The following CHST11 variants were observed in gnomAD, a reference collection of about 807,000 sequenced individuals.
The protein encoded by CHST11 is C4S-1.
A neutral mutation model predicts 30.4 loss-of-function variants in CHST11; 9 were observed. The observed-to-expected ratio is 0.30, with a 90% CI of 0.18 to 0.52. The LOEUF is 0.52. Ranked by LOEUF, CHST11 falls within the 20% of genes least tolerant of loss-of-function variation. CHST11 has a pLI of 0.97. For missense variants in CHST11, 348 were observed against 460.6 expected (o/e 0.76, Z 2.24); for synonymous variants, 152 against 187.8 (o/e 0.81, Z 1.56).
intron 1 of CHST11, among the ~76,000 whole-genome samples, chr12:104,486,522 G>A (rs1260568313): frequency 1.3e-5 from 2 of 152,192 alleles, no homozygotes; most frequent in Non-Finnish European, 2.9e-5. Context: ...GGGCTTCACA[G>A]CCCATGCATG....
intron 2 of CHST11, among the ~76,000 whole-genome samples, chr12:104,634,266 GTT>G (rs2039301222): frequency 6.6e-6 from 1 of 152,166 alleles, no homozygotes; most frequent in African/African-American, 2.4e-5. Flanking sequence ...CACTCAGTAG[GTT>G]CCTGGGGAAT....
chr12:104,494,637 G>A (rs914032884), intron 1 of CHST11, among the ~76,000 whole-genome samples: 7 of 152,272 alleles, frequency 4.6e-5, no homozygotes, highest in Admixed American at 6.5e-5. Flanking sequence ...GAACAATGTC[G>A]TAGGCGTATT....
At chr12:104,656,355 C>A (rs1282275062) in intron 2 of CHST11, among the ~76,000 whole-genome samples, 2 of 152,200 alleles carry the variant, frequency 1.3e-5, no homozygotes, top group Non-Finnish European at 2.9e-5. Flanking sequence ...AGTGATGCAT[C>A]AGGCTCCCTA....
chr12:104,658,204 G>A (rs990931428), intron 2 of CHST11, among the ~76,000 whole-genome samples: 3 of 152,360 alleles, frequency 2.0e-5, no homozygotes, highest in Admixed American at 6.5e-5. Flanking sequence ...ACCAGAGGCC[G>A]AGGGACTTAA....
At chr12:104,621,698 G>T (rs1389799137) in intron 2 of CHST11, among the ~76,000 whole-genome samples, 1 of 152,246 alleles carries the variant, frequency 6.6e-6, no homozygotes, top group Non-Finnish European at 1.5e-5. Context: ...GCACAGAACA[G>T]ATTTTCCCTT....
At chr12:104,473,115 C>G (rs4964803) in intron 1 of CHST11, among the ~76,000 whole-genome samples, 3,778 of 152,168 alleles carry the variant, frequency 0.025, 120 homozygotes, top group East Asian at 0.16. Flanking sequence ...AATTTAAACT[C>G]TCTTGTTTCA....
intron 1 of CHST11, among the ~76,000 whole-genome samples, chr12:104,541,782 G>C (rs1405504127): frequency 6.6e-6 from 1 of 152,214 alleles, no homozygotes; most frequent in Non-Finnish European, 1.5e-5. Flanking sequence ...ATGGTTATTA[G>C]TTAGGCACGG....
chr12:104,585,329 C>G (rs2038793066), intron 1 of CHST11, among the ~76,000 whole-genome samples: 2 of 152,300 alleles, frequency 1.3e-5, no homozygotes, highest in East Asian at 3.9e-4. Flanking sequence ...GCAACAGCTC[C>G]TCTCTGATTT....
intron 2 of CHST11, among the ~76,000 whole-genome samples, chr12:104,645,295 A>G (rs1425492584): frequency 1.3e-5 from 2 of 151,906 alleles, no homozygotes; most frequent in Admixed American, 6.6e-5. Context: ...GAGGGCACCC[A>G]CTCTGAGCCA....
At chr12:104,712,996 G>A (rs747811357) in intron 2 of CHST11, among the ~76,000 whole-genome samples, 10 of 151,838 alleles carry the variant, frequency 6.6e-5, no homozygotes, top group Non-Finnish European at 1.2e-4. Flanking sequence ...GGACCCCCGA[G>A]ATAAATAAGA....
chr12:104,529,710 G>C (rs890901309), intron 1 of CHST11, among the ~76,000 whole-genome samples: 1 of 152,020 alleles, frequency 6.6e-6, no homozygotes, highest in Non-Finnish European at 1.5e-5. Flanking sequence ...AGGGAAAAGG[G>C]GATATGGAAG....
chr12:104,731,645 G>T (rs2040259590), intron 2 of CHST11, among the ~76,000 whole-genome samples: 1 of 152,220 alleles, frequency 6.6e-6, no homozygotes, highest in Non-Finnish European at 1.5e-5. Flanking sequence ...GCCTCTGCGG[G>T]CCTCAGCGTT....
intron 1 of CHST11, among the ~76,000 whole-genome samples, chr12:104,534,127 C>T (rs998945626): frequency 3.3e-5 from 5 of 152,090 alleles, no homozygotes; most frequent in African/African-American, 1.2e-4. Context: ...TTTCCTTCAA[C>T]ATTGTCAGTG....
At chr12:104,742,340 G>A (rs891676812) in intron 2 of CHST11, among the ~76,000 whole-genome samples, 2 of 152,126 alleles carry the variant, frequency 1.3e-5, no homozygotes, top group Non-Finnish European at 2.9e-5. Flanking sequence ...CCTCTGGGAG[G>A]CCCATCGTGG....
chr12:104,518,973 T>C (rs1386015179), intron 1 of CHST11, among the ~76,000 whole-genome samples: 1 of 98,430 alleles, frequency 1.0e-5, no homozygotes, highest in Non-Finnish European at 1.9e-5. Flanking sequence ...TTTTTTTCTT[T>C]CTTTTTTTTT....
intron 1 of CHST11, among the ~76,000 whole-genome samples, chr12:104,506,806 A>G (rs1882496): frequency 0.61 from 93,383 of 152,036 alleles, 29,115 homozygotes; most frequent in African/African-American, 0.72. Flanking sequence ...TTGCCAAGCC[A>G]TCATTCGTTA....
chr12:104,469,969 T>C (rs1179391852), intron 1 of CHST11, among the ~76,000 whole-genome samples: 1 of 152,250 alleles, frequency 6.6e-6, no homozygotes, highest in Admixed American at 6.5e-5. Flanking sequence ...CACCTAATCA[T>C]TGATTTAGAC....
At chr12:104,739,840 A>G (rs1229577319) in intron 2 of CHST11, among the ~76,000 whole-genome samples, 1 of 152,166 alleles carries the variant, frequency 6.6e-6, no homozygotes, top group Non-Finnish European at 1.5e-5. Context: ...ACCCCAGATC[A>G]TGGGGCTGGT....
At chr12:104,524,392 C>A (rs2038103834) in intron 1 of CHST11, among the ~76,000 whole-genome samples, 1 of 152,266 alleles carries the variant, frequency 6.6e-6, no homozygotes, top group East Asian at 1.9e-4. Context: ...GCAGCTAGTT[C>A]ATTCATTTGT....
Sources: allele counts gnomAD v4.1 joint callset (sites outside exome capture counted in the v4.1 genomes callset), GRCh38; gene constraint gnomAD v4.1.1; transcripts MANE v1.5; gene names NCBI Gene and HGNC (gene_info 2026-07-23, HGNC 2026-07-21).